The following CEP290 variants were observed in gnomAD, a reference collection of about 807,000 sequenced individuals.
CEP290 encodes the protein centrosomal protein 290, also known as centrosomal protein of 290 kDa.
In CEP290, 317 loss-of-function variants were observed where a neutral mutation model predicts 344.9. The observed-to-expected ratio is 0.92, with a 90% CI of 0.84 to 1.01. CEP290 has a LOEUF of 1.01. Among genes scored for constraint, CEP290 ranks in the 50% least tolerant of loss-of-function variants. The pLI is 0.00. For missense variants in CEP290, 2,754 were observed against 2,761.4 expected, an observed-to-expected ratio of 1.00 and a Z score of 0.06; for synonymous variants, 932 against 895.8, an observed-to-expected ratio of 1.04 and a Z score of -0.72.
chr12:88,115,359 T>C, intron 18 of CEP290, 177 bp from the exon 19 acceptor site: 2 of 682,762 alleles, frequency 2.9e-6, no homozygotes, highest in South Asian at 3.6e-5. Context: ...GTAAAGCAGA[T>C]GGTGATCTTA....
At chr12:88,115,210 A>AT (rs760100394) in intron 18 of CEP290, 28 bp from the exon 19 acceptor site, 7 of 1,185,450 alleles carry the variant, frequency 5.9e-6, no homozygotes, top group South Asian at 5.7e-5. Flanking sequence ...AATAAAATTG[A>AT]TTTTTTTCAA....
Position 88,058,736 on chromosome 12 carries a change from A to C in CEP290, c.6818+112T>G, listed in dbSNP as rs373514573. 14 of 1,031,614 alleles carry C rather than the reference A, an allele frequency of 1.4e-5. No individual in the cohort carries two copies. In the East Asian group the frequency reaches 1.8e-4, roughly 13 times the overall value. The allele number at this position is 1,031,614 out of a possible 1,614,324, so 63.9% of individuals were successfully genotyped here. Reference sequence around the variant, plus strand: ...AGTATTATGTTAAAACAACAACCAAACAAACTGTTCATCAGGAAGAAACCA... The same window carrying C: ...AGTATTATGTTAAAACAACAACCAACCAAACTGTTCATCAGGAAGAAACCA... On this transcript the variant is annotated intron_variant, in intron 49 of 53. Coordinates refer to ENST00000552810, the MANE Select transcript of CEP290 (RefSeq NM_025114.4).
rs935755196 is a variant in CEP290, at chr12:88,126,403, C to T, written c.978G>A (p.Glu326=). ...TTAGGTTATGTAACATTTGCTGATA[C>T]TCAATAATTTCATCATCTTTAGAAG... ...ILSSKDDEII[E]YQQMLHNLRE... Residue 326 remains glutamate (E), a synonymous_variant, in exon 12 of 54, where the codon GAG becomes GAA. Coordinates refer to ENST00000552810, the MANE Select transcript of CEP290 (RefSeq NM_025114.4). 5 of 1,515,340 alleles carry T rather than the reference C, an allele frequency of 3.3e-6. No homozygotes were observed. In the South Asian group the frequency reaches 4.1e-5, roughly 12 times the overall value. The allele number at this position is 1,515,340 out of a possible 1,614,324, so 93.9% of individuals were successfully genotyped here. A position where few individuals can be genotyped will look rare whatever the true frequency, so the allele number is the denominator to read the frequency against.
At chr12:88,073,660 G>A (rs1421335793) in intron 41 of CEP290, among the ~76,000 whole-genome samples, 2 of 152,092 alleles carry the variant, frequency 1.3e-5, no homozygotes, top group Non-Finnish European at 2.9e-5. Flanking sequence ...TTCCTGGGGA[G>A]ATGGCTCATG....
chr12:88,090,603 C>A, intron 30 of CEP290, 125 bp downstream of exon 30: 2 of 651,252 alleles, frequency 3.1e-6, no homozygotes, highest in Admixed American at 2.9e-5. Flanking sequence ...GCACTCCACC[C>A]TGGGCAACAG....
chr12:88,123,219 T>C lies in CEP290; in HGVS notation c.1189+2027A>G, dbSNP rs73414703. Among the ~76,000 whole-genome samples, 874 of 152,258 alleles carry C rather than the reference T, an allele frequency of 5.7e-3. 10 individuals carry two copies. Among genetic ancestry groups the C allele is most frequent in the African/African-American group, 0.02 (828 of 41,572 alleles). ...TGATTCATTAATGTTTCTTCTTTAA[T>C]GGAGCTCTCCTATTAACCTAAAATC... On this transcript the variant is annotated intron_variant, in intron 13 of 53. Coordinates refer to ENST00000552810, the MANE Select transcript of CEP290 (RefSeq NM_025114.4).
rs2036941534 is a variant in CEP290 at position 88,090,465 on chromosome 12, CT to C, written c.3573+262del. Among the ~76,000 whole-genome samples, 3 of 152,172 alleles carry C rather than the reference CT, an allele frequency of 2.0e-5. No homozygotes were observed. In the South Asian group the frequency reaches 6.2e-4, roughly 32 times the overall value. The stretch of plus-strand genomic sequence containing the variant: ...TAGGCAACATGGTGAAACCCTGTCT[CT>C]ACAAAAAATGCAAAAAAATTAGGTG... On this transcript the variant is annotated intron_variant, in intron 30 of 53. Coordinates refer to ENST00000552810, the MANE Select transcript of CEP290 (RefSeq NM_025114.4).
chr12:88,078,864 C>T (rs1482483700), intron 39 of CEP290, among the ~76,000 whole-genome samples: 1 of 151,850 alleles, frequency 6.6e-6, no homozygotes, highest in Non-Finnish European at 1.5e-5. Context: ...TCATTAGAAA[C>T]AGTAGTTCAT....
chr12:88,121,420 A>C (rs1273804872), intron 13 of CEP290, among the ~76,000 whole-genome samples: 1 of 152,166 alleles, frequency 6.6e-6, no homozygotes, highest in East Asian at 1.9e-4. Flanking sequence ...TTTACAAAAA[A>C]TGATCATTGT....
rs766322259 is a variant in CEP290, at chr12:88,103,026, A to T, written c.2818-15T>A. 4.0e-6 allele frequency: 6 copies of T among 1,511,202 alleles called. No individual in the cohort carries two copies. In the South Asian group the frequency reaches 8.3e-5, roughly 21 times the overall value. The allele number at this position is 1,511,202 out of a possible 1,614,324, so 93.6% of individuals were successfully genotyped here. A position where few individuals can be genotyped will look rare whatever the true frequency, so the allele number is the denominator to read the frequency against. ...ATGGCCATTTCCTATGTAAATAAAG[A>T]TACACTGAGTTATGCTGGTGTCTTT... On this transcript the variant is annotated splice_polypyrimidine_tract_variant and intron_variant, in intron 25 of 53. Coordinates refer to ENST00000552810, the MANE Select transcript of CEP290 (RefSeq NM_025114.4).
chr12:88,112,252 A>T (rs1480768246), intron 20 of CEP290, among the ~76,000 whole-genome samples: 1 of 152,090 alleles, frequency 6.6e-6, no homozygotes, highest in Non-Finnish European at 1.5e-5. Flanking sequence ...TGCTCCCTAC[A>T]TGGGGTTTTT....
rs141299723 is a variant in CEP290, at chr12:88,096,519, T to C, written c.3103+369A>G. 7.5e-3 allele frequency among the ~76,000 whole-genome samples: 1,147 copies of C among 152,214 alleles called. 20 individuals are homozygous for C. Among genetic ancestry groups the C allele is most frequent in the African/African-American group, 0.026 (1,100 of 41,540 alleles). ...TTTTCTTTGCTGTTTCCTGGTATCTTTTAATTTAAAAATATCAAGTGATAT... is the reference window on the plus strand; with the variant it reads ...TTTTCTTTGCTGTTTCCTGGTATCTCTTAATTTAAAAATATCAAGTGATAT... On this transcript the variant is annotated intron_variant, in intron 27 of 53. Coordinates refer to ENST00000552810, the MANE Select transcript of CEP290 (RefSeq NM_025114.4).
At chr12:88,076,089 A>T (rs964902676) in intron 41 of CEP290, among the ~76,000 whole-genome samples, 9 of 152,198 alleles carry the variant, frequency 5.9e-5, no homozygotes, top group African/African-American at 2.2e-4. Context: ...AGGAACAAAC[A>T]TACCAGTTTC....
At chr12:88,133,973 A>G (rs1204899400) in intron 6 of CEP290, among the ~76,000 whole-genome samples, 2 of 151,974 alleles carry the variant, frequency 1.3e-5, no homozygotes, top group Admixed American at 1.3e-4. Context: ...CACTCTTCCT[A>G]TTTCATTGCT....
At chr12:88,060,253 C>T (rs2034365606) in intron 47 of CEP290, among the ~76,000 whole-genome samples, 3 of 152,168 alleles carry the variant, frequency 2.0e-5, no homozygotes, top group Admixed American at 1.3e-4. Flanking sequence ...TCAGGACCCA[C>T]CCTAAAATAA....
chr12:88,112,456 T>C (rs2038758450), intron 20 of CEP290, among the ~76,000 whole-genome samples: 2 of 152,120 alleles, frequency 1.3e-5, no homozygotes, highest in African/African-American at 4.8e-5. Context: ...TGATATTATC[T>C]AAGAATAATG....
At chr12:88,071,492 T>C in intron 42 of CEP290, 43 bp from the exon 43 acceptor site, 1 of 1,527,076 alleles carries the variant, frequency 6.5e-7, no homozygotes. Context: ...CCATTCAGTG[T>C]TTGGCTTTTC....
At chr12:88,064,717 G>C (rs2034766942) in intron 44 of CEP290, among the ~76,000 whole-genome samples, 1 of 152,142 alleles carries the variant, frequency 6.6e-6, no homozygotes, top group African/African-American at 2.4e-5. Flanking sequence ...GCCAAGGAGA[G>C]AGGATTGGGA....
At chr12:88,088,868 T>C (rs1407730874) in intron 31 of CEP290, among the ~76,000 whole-genome samples, 164 bp downstream of exon 31, 3 of 152,110 alleles carry the variant, frequency 2.0e-5, no homozygotes, top group Non-Finnish European at 4.4e-5. Flanking sequence ...TAGGTAGGTA[T>C]GGTGGTGTGC....
Sources: gnomAD v4.1 joint callset for allele counts (sites outside exome capture counted in the v4.1 genomes callset) on GRCh38, gnomAD v4.1.1 for gene constraint, MANE v1.5 for transcripts, NCBI Gene and HGNC (gene_info 2026-07-23, HGNC 2026-07-21) for gene names.